The following RSF1 variants were observed in gnomAD, a reference collection of about 807,000 sequenced individuals.
RSF1 encodes remodeling and spacing factor 1, also known as HBV pX-associated protein 8.
Under a neutral mutation model 145.2 loss-of-function variants are expected in RSF1, and 13 were observed. The ratio of observed to expected loss-of-function variants is 0.09; its 90% CI spans 0.06 to 0.14. The LOEUF is 0.14. Ranked by LOEUF, RSF1 falls within the 10% of genes least tolerant of loss-of-function variation. The pLI is 1.00. For synonymous variants in RSF1, 577 were observed against 592.6 expected (o/e 0.97, Z 0.38); for missense variants, 1,517 against 1,718.2 (o/e 0.88, Z 2.07).
intron 1 of RSF1, among the ~76,000 whole-genome samples, chr11:77,799,697 T>C (rs1249789978): frequency 6.6e-6 from 1 of 152,084 alleles, no homozygotes; most frequent in Admixed American, 6.5e-5. Flanking sequence ...GTCATGTAAA[T>C]GGAATCACAC....
intron 1 of RSF1, among the ~76,000 whole-genome samples, chr11:77,820,127 G>T (rs1359624829): frequency 2.0e-5 from 3 of 152,200 alleles, no homozygotes; most frequent in African/African-American, 7.2e-5. Context: ...TAAGGGTGGG[G>T]AGGAGGAGAA....
At chr11:77,711,535 T>A (rs1960684989) in intron 5 of RSF1, among the ~76,000 whole-genome samples, 1 of 151,894 alleles carries the variant, frequency 6.6e-6, no homozygotes, top group Admixed American at 6.6e-5. Flanking sequence ...CGGGCGTGGT[T>A]GCAGGTGCCT....
chr11:77,807,021 GTCAGTCAC>G (rs2135983654), intron 1 of RSF1, among the ~76,000 whole-genome samples: 1 of 152,260 alleles, frequency 6.6e-6, no homozygotes, highest in South Asian at 2.1e-4. Flanking sequence ...AGAATTTATT[GTCAGTCAC>G]TGGCATGTTA....
At chr11:77,795,198 G>A (rs1031680277) in intron 1 of RSF1, among the ~76,000 whole-genome samples, 1 of 151,984 alleles carries the variant, frequency 6.6e-6, no homozygotes, top group Non-Finnish European at 1.5e-5. Context: ...AAACTGAAGA[G>A]GACAAAAACA....
chr11:77,869,740 C>G, the RSF1 span: 37 of 1,613,888 alleles, frequency 2.3e-5, no homozygotes, highest in Non-Finnish European at 3.1e-5. Flanking sequence ...TGGTGTGCAG[C>G]CTGCAGATGT....
At chr11:77,719,356 A>C (rs1960892158) in intron 5 of RSF1, among the ~76,000 whole-genome samples, 1 of 152,228 alleles carries the variant, frequency 6.6e-6, no homozygotes, top group East Asian at 1.9e-4. Flanking sequence ...AAAGACATGA[A>C]TACAATAAAT....
At chr11:77,780,919 T>C (rs572679888) in intron 1 of RSF1, among the ~76,000 whole-genome samples, 21 of 152,184 alleles carry the variant, frequency 1.4e-4, no homozygotes, top group African/African-American at 4.1e-4. Flanking sequence ...CAGGAAACCA[T>C]TGATCTGTTT....
chr11:77,848,459 G>A, the RSF1 span, among the ~76,000 whole-genome samples: 3 of 151,786 alleles, frequency 2.0e-5, no homozygotes, highest in Non-Finnish European at 4.4e-5. Context: ...CCAGGTTCAA[G>A]CGATTCTCCT....
the RSF1 span, among the ~76,000 whole-genome samples, chr11:77,863,420 C>T: frequency 6.6e-6 from 1 of 152,080 alleles, no homozygotes; most frequent in Admixed American, 6.5e-5. Context: ...AGTGCAGTTG[C>T]AAGATTTAAG....
chr11:77,804,282 T>C (rs754302800), intron 1 of RSF1, among the ~76,000 whole-genome samples: 1 of 152,184 alleles, frequency 6.6e-6, no homozygotes, highest in Admixed American at 6.5e-5. Flanking sequence ...TAAAGCACTT[T>C]CTTGAGTTCT....
intron 1 of RSF1, among the ~76,000 whole-genome samples, chr11:77,818,067 G>A (rs1359647436): frequency 1.3e-5 from 2 of 152,154 alleles, no homozygotes; most frequent in African/African-American, 2.4e-5. Context: ...ATCACCTTAT[G>A]ATAGGATCTA....
At chr11:77,742,188 A>G (rs904653563) in intron 3 of RSF1, among the ~76,000 whole-genome samples, 1 of 152,182 alleles carries the variant, frequency 6.6e-6, no homozygotes, top group Non-Finnish European at 1.5e-5. Context: ...ATCATATGGT[A>G]GTTCTATTTT....
rs952426693 is a variant in RSF1 at position 77,740,780 on chromosome 11, T to C, written c.529A>G (p.Ile177Val). The C allele has an allele frequency of 6.2e-7, 1 of 1,614,208 alleles. No homozygotes were observed. The highest frequency in any genetic ancestry group is 8.5e-7 in the Non-Finnish European group (1 of 1,180,022). ...LDQDHNVRMYIEEQDDQDGSS... is the reference protein window; with the variant it reads ...LDQDHNVRMYVEEQDDQDGSS... ...CCATCTTGATCATCTTGTTCTTCTA[T>C]GTACATTCTGACATTGTGATCTTGA... Residue 177 changes from isoleucine to valine, a missense_variant, in exon 4 of 16, where the codon ATA (isoleucine) becomes GTA (valine). Coordinates refer to ENST00000308488, the MANE Select transcript of RSF1 (RefSeq NM_016578.4).
chr11:77,849,650 T>G, the RSF1 span, among the ~76,000 whole-genome samples: 1 of 152,220 alleles, frequency 6.6e-6, no homozygotes, highest in Admixed American at 6.5e-5. Context: ...TGTGTGTTTT[T>G]TTTTAATTAT....
At position 77,742,100 on chromosome 11, in the gene RSF1, T is replaced by TGAAC. The variant is rs538469656; in HGVS notation, c.373-1168_373-1165dup. 1.3e-3 allele frequency among the ~76,000 whole-genome samples: 205 copies of TGAAC among 152,328 alleles called. 14 individuals are homozygous for TGAAC. In the South Asian group the frequency reaches 0.041, roughly 30 times the overall value. ...TTGGTTATTGTGATTAATGCTGCAG[T>TGAAC]GAACACAGGAGTGCAGATACCACTT... On this transcript the variant is annotated intron_variant, in intron 3 of 15. Transcript: ENST00000308488.
chr11:77,850,781 CACAT>C, the RSF1 span: 1 of 47,366 alleles, frequency 2.1e-5, no homozygotes, highest in Non-Finnish European at 3.9e-5. Context: ...CACATACACA[CACAT>C]ACACACACAC....
the RSF1 span, chr11:77,869,626 A>C: frequency 8.3e-7 from 1 of 1,200,574 alleles, no homozygotes; most frequent in East Asian, 2.4e-5. Context: ...AGTGAACCTC[A>C]GTAGACATTT....
rs531272984 is a variant in RSF1, at chr11:77,696,917, T to C, written c.2715+1570A>G. On this transcript the variant is annotated intron_variant, in intron 7 of 15. Coordinates refer to ENST00000308488, the MANE Select transcript of RSF1 (RefSeq NM_016578.4). ...ACTGGGTTATGATAAATTTCACTGA[T>C]AATACATTTAGCTTCCAGATATGAT... Among the ~76,000 whole-genome samples, 336 of 152,328 alleles carry C rather than the reference T, an allele frequency of 2.2e-3. 2 individuals carry two copies. Among genetic ancestry groups the C allele is most frequent in the African/African-American group, 7.9e-3 (328 of 41,574 alleles).
intron 2 of RSF1, among the ~76,000 whole-genome samples, chr11:77,757,594 C>T (rs2135930815): frequency 6.6e-6 from 1 of 152,300 alleles, no homozygotes; most frequent in Non-Finnish European, 1.5e-5. Flanking sequence ...AGGAGAATCG[C>T]TTGAACCCGG....
Sources: gnomAD v4.1 joint callset for allele counts (sites outside exome capture counted in the v4.1 genomes callset) on GRCh38, gnomAD v4.1.1 for gene constraint, MANE v1.5 for transcripts, NCBI Gene and HGNC (gene_info 2026-07-23, HGNC 2026-07-21) for gene names.